XKR5: variants seen among roughly 807,000 people sequenced by gnomAD.
The protein encoded by XKR5 is XK related 5.
A neutral mutation model predicts 40.8 loss-of-function variants in XKR5; 46 were observed. That is an observed-to-expected ratio of 1.13 (90% CI 0.89 to 1.44). The LOEUF (loss-of-function observed/expected upper bound fraction) is 1.44. Among genes scored for constraint, XKR5 ranks in the 40% most tolerant of loss-of-function variants. XKR5 has a pLI of 0.00. For synonymous variants in XKR5, 466 were observed against 356.1 expected (o/e 1.31, Z -3.48); for missense variants, 1,169 against 844.7 (o/e 1.38, Z -4.76).
chr8:6,825,463 G>C, intron 2 of XKR5, 114 bp from the exon 3 acceptor site: 7 of 998,234 alleles, frequency 7.0e-6, no homozygotes, highest in Non-Finnish European at 9.7e-6. Context: ...GCCCTTACTA[G>C]TCACCTAGAG....
chr8:6,816,624 T>C (rs546389893), intron 5 of XKR5, among the ~76,000 whole-genome samples: 19 of 149,860 alleles, frequency 1.3e-4, no homozygotes, highest in African/African-American at 4.4e-4. Context: ...TTAAATACTG[T>C]GTGTTTTATA....
In XKR5 at chr8:6,815,851, G is replaced by A; in HGVS notation, c.875C>T (p.Thr292Ile). The part of the protein sequence containing the change: ...ATDFLQGASW[T>I]SLQTIAGVLS... ...GACCCCAGCTATGGTCTGCAGGCTG[G>A]TCCACGATGCCCCCTGGAGAAAGTC... The change falls in exon 6 of 7, where the codon ACC becomes ATC. Residue 292 changes from threonine to isoleucine, a missense_variant. Physicochemically the swap from Thr to Ile is moderately conservative, Grantham distance 89. Transcript: ENST00000618742. 1.9e-6 allele frequency: 3 copies of A among 1,605,820 alleles called. No homozygotes were observed. The highest frequency in any genetic ancestry group is 2.6e-6 in the Non-Finnish European group (3 of 1,176,282).
At chr8:6,814,733 C>G (rs1009117961) in intron 6 of XKR5, among the ~76,000 whole-genome samples, 1 of 152,160 alleles carries the variant, frequency 6.6e-6, no homozygotes, top group Non-Finnish European at 1.5e-5. Flanking sequence ...AGTGAGGACC[C>G]GTGACGTCTC....
chr8:6,835,175 C>G (rs1804957555), intron 1 of XKR5, among the ~76,000 whole-genome samples: 1 of 130,790 alleles, frequency 7.6e-6, no homozygotes, highest in Non-Finnish European at 1.7e-5. Flanking sequence ...AAGTCAAGCA[C>G]CAGTCGGGAG....
At chr8:6,816,858 T>A (rs9773360) in intron 5 of XKR5, among the ~76,000 whole-genome samples, 2,486 of 152,018 alleles carry the variant, frequency 0.016, 58 homozygotes, top group African/African-American at 0.052. Flanking sequence ...TTCATTGGCT[T>A]CGTTTTTCAC....
At chr8:6,825,437 C>G in intron 2 of XKR5, 88 bp from the exon 3 acceptor site, 2 of 1,328,556 alleles carry the variant, frequency 1.5e-6, no homozygotes, top group Non-Finnish European at 2.0e-6. Flanking sequence ...ATACTACATG[C>G]TAAGCAATAT....
At chr8:6,824,203 T>C (rs1370893490) in intron 3 of XKR5, among the ~76,000 whole-genome samples, 1 of 151,840 alleles carries the variant, frequency 6.6e-6, no homozygotes, top group African/African-American at 2.4e-5. Context: ...TAAAGATGGA[T>C]GGAAGGACAG....
rs1407616661 is a variant in XKR5 at position 6,821,968 on chromosome 8, G to T, written c.708C>A (p.His236Gln). 6.2e-7 allele frequency: 1 copy of T among 1,610,774 alleles called. No individual in the cohort carries two copies. Among genetic ancestry groups the T allele is most frequent in the Non-Finnish European group, 8.5e-7 (1 of 1,178,494 alleles). Reference protein sequence around the residue: ...QQSDIIDSTCHWRLFNLLVGA... With the variant: ...QQSDIIDSTCQWRLFNLLVGA... ...CCACGAGCAGGTTGAACAGCCTCCA[G>T]TGGCAGGTGCTGTCGATGATGTCAC... Residue 236 changes from histidine (H) to glutamine (Q), a missense_variant, in exon 5 of 7, where the codon CAC (histidine) becomes CAA (glutamine). Coordinates refer to ENST00000618742, the MANE Select transcript of XKR5 (RefSeq NM_207411.5).
chr8:6,821,841 A>T (rs1563354760), intron 5 of XKR5, 28 bp downstream of exon 5: 1 of 1,606,208 alleles, frequency 6.2e-7, no homozygotes, highest in East Asian at 2.2e-5. Context: ...ACACTGTAAA[A>T]GTTAGGATAA....
Position 6,812,351 on chromosome 8 carries a change from C to T in XKR5, c.920-12G>A, listed in dbSNP as rs1244585913. 1 of 1,527,564 alleles carries T rather than the reference C, an allele frequency of 6.5e-7. No individual in the cohort carries two copies. Among genetic ancestry groups the T allele is most frequent in the Non-Finnish European group, 8.8e-7 (1 of 1,136,974 alleles). The allele number at this position is 1,527,564 out of a possible 1,614,324, so 94.6% of individuals were successfully genotyped here. A position where few individuals can be genotyped will look rare whatever the true frequency, so the allele number is the denominator to read the frequency against. On this transcript the variant is annotated splice_polypyrimidine_tract_variant and intron_variant, in intron 6 of 6. Coordinates refer to ENST00000618742, the MANE Select transcript of XKR5 (RefSeq NM_207411.5). ...CAGTGAGACACTGCCTGAAAAAGAACAAAAAGACCACAAGGTTATGTTCTT... is the reference window on the plus strand; with the variant it reads ...CAGTGAGACACTGCCTGAAAAAGAATAAAAAGACCACAAGGTTATGTTCTT...
Position 6,832,886 on chromosome 8 carries a change from C to A in XKR5, c.73G>T (p.Ala25Ser). The A allele has an allele frequency of 6.3e-7, 1 of 1,599,538 alleles. No individual in the cohort carries two copies. The highest frequency in any genetic ancestry group is 8.5e-7 in the Non-Finnish European group (1 of 1,174,294). ...AEQSARLYTV[A>S]YYFTTGRLLW... Reference sequence around the variant, plus strand: ...AGCCGTCCTGTGGTGAAGTAGTAAGCCACGGTGTAAAGGCCTGGGTGAGAA... The same window carrying A: ...AGCCGTCCTGTGGTGAAGTAGTAAGACACGGTGTAAAGGCCTGGGTGAGAA... The change falls in exon 2 of 7, where the codon GCT becomes TCT. Residue 25 changes from alanine to serine, a missense_variant. Transcript: ENST00000618742.
intron 5 of XKR5, 25 bp from the exon 6 acceptor site, chr8:6,815,943 C>CTG: frequency 1.3e-6 from 2 of 1,544,670 alleles, no homozygotes; most frequent in Non-Finnish European, 1.8e-6. Flanking sequence ...ACAGAGGCAC[C>CTG]ACACCTCGTC....
At chr8:6,830,509 C>T (rs1447189716) in intron 2 of XKR5, among the ~76,000 whole-genome samples, 2 of 152,186 alleles carry the variant, frequency 1.3e-5, no homozygotes, top group Non-Finnish European at 2.9e-5. Flanking sequence ...TTTATGCTTG[C>T]ACTGGCTGTT....
intron 2 of XKR5, among the ~76,000 whole-genome samples, chr8:6,827,949 T>A (rs1270951627): frequency 1.3e-5 from 2 of 152,000 alleles, no homozygotes; most frequent in African/African-American, 4.8e-5. Flanking sequence ...GTGCCTGTAG[T>A]CCCAGCTACT....
chr8:6,828,073 A>G lies in XKR5; in HGVS notation c.243-2724T>C, dbSNP rs143187364. ...GACAGAGGCAGAAGACTCTCGTGAA[A>G]AAAAAGAAAAGGGGGGAAGTGAAAT... is the stretch of plus-strand genomic sequence containing the variant. On this transcript the variant is annotated intron_variant, in intron 2 of 6. Coordinates refer to ENST00000618742, the MANE Select transcript of XKR5 (RefSeq NM_207411.5). Among the ~76,000 whole-genome samples the G allele has an allele frequency of 2.1e-3, 316 of 152,296 alleles. 3 individuals are homozygous for G. The highest frequency in any genetic ancestry group is 7.4e-3 in the African/African-American group (307 of 41,562).
chr8:6,835,051 G>C (rs1233821958), intron 1 of XKR5, among the ~76,000 whole-genome samples: 2 of 152,174 alleles, frequency 1.3e-5, no homozygotes, highest in Non-Finnish European at 1.5e-5. Flanking sequence ...AGCACATCTT[G>C]GCATCGCAGC....
intron 2 of XKR5, among the ~76,000 whole-genome samples, chr8:6,827,217 T>C (rs1285300470): frequency 2.0e-5 from 3 of 152,072 alleles, no homozygotes; most frequent in African/African-American, 4.8e-5. Flanking sequence ...GCAGCAGCAA[T>C]AAGGAGATGA....
chr8:6,833,674 C>A (rs1469628946), intron 1 of XKR5, among the ~76,000 whole-genome samples: 1 of 152,152 alleles, frequency 6.6e-6, no homozygotes, highest in African/African-American at 2.4e-5. Flanking sequence ...CGAGATTGGG[C>A]CACTGCATTC....
At chr8:6,828,660 C>T (rs1804627757) in intron 2 of XKR5, among the ~76,000 whole-genome samples, 1 of 152,150 alleles carries the variant, frequency 6.6e-6, no homozygotes, top group Admixed American at 6.5e-5. Context: ...CATTCCAGGT[C>T]CTTATCAGCA....
Sources: gnomAD v4.1 joint callset for allele counts (sites outside exome capture counted in the v4.1 genomes callset) on GRCh38, gnomAD v4.1.1 for gene constraint, MANE v1.5 for transcripts, NCBI Gene and HGNC (gene_info 2026-07-23, HGNC 2026-07-21) for gene names.